PLEKHH2: variants seen among roughly 807,000 people sequenced by gnomAD.
PLEKHH2 encodes pleckstrin homology, MyTH4 and FERM domain containing H2, also known as pleckstrin homology domain-containing family H member 2.
In PLEKHH2, 129 loss-of-function variants were observed where a neutral mutation model predicts 187.9. The ratio of observed to expected loss-of-function variants is 0.69; its 90% CI spans 0.59 to 0.79. PLEKHH2 has a LOEUF of 0.79. Ranked by LOEUF, PLEKHH2 falls within the 30% of genes least tolerant of loss-of-function variation. PLEKHH2 has a pLI of 0.00. For missense variants in PLEKHH2, 2,076 were observed against 1,751.2 expected, an observed-to-expected ratio of 1.19 and a Z score of -3.31; for synonymous variants, 686 against 605.6, an observed-to-expected ratio of 1.13 and a Z score of -1.95.
At chr2:43,657,294 AG>A (rs1558429817) in intron 2 of PLEKHH2, among the ~76,000 whole-genome samples, 2 of 152,112 alleles carry the variant, frequency 1.3e-5, no homozygotes, top group Non-Finnish European at 2.9e-5. Flanking sequence ...TTGGGATTAC[AG>A]GTGCTTCCAA....
intron 15 of PLEKHH2, among the ~76,000 whole-genome samples, chr2:43,718,763 A>G (rs188005270): frequency 7.2e-5 from 11 of 152,312 alleles, no homozygotes; most frequent in South Asian, 4.1e-4. Flanking sequence ...GAAGAAGAAA[A>G]GAAAAAAACA....
Position 43,738,755 on chromosome 2 carries a change from A to G in PLEKHH2, c.3123+235A>G, listed in dbSNP as rs182045151. Among the ~76,000 whole-genome samples the G allele has an allele frequency of 3.4e-3, 523 of 152,332 alleles. 4 individuals carry two copies. The highest frequency in any genetic ancestry group is 0.014 in the Middle Eastern group (4 of 294). On this transcript the variant is annotated intron_variant, in intron 20 of 29. Coordinates refer to ENST00000282406, the MANE Select transcript of PLEKHH2 (RefSeq NM_172069.4). ...TTATATTGCTGGAGTTACAGTGTGCATACTACTTTTTTAAACTATAGAAAA... is the reference window on the plus strand; with the variant it reads ...TTATATTGCTGGAGTTACAGTGTGCGTACTACTTTTTTAAACTATAGAAAA...
intron 24 of PLEKHH2, among the ~76,000 whole-genome samples, chr2:43,746,533 TACAC>T (rs10535859): frequency 3.3e-5 from 5 of 150,376 alleles, no homozygotes; most frequent in South Asian, 2.1e-4. Flanking sequence ...AAACAAAAAA[TACAC>T]ACACACACAC....
chr2:43,733,628 G>GA (rs771534047), intron 19 of PLEKHH2, among the ~76,000 whole-genome samples: 3 of 152,088 alleles, frequency 2.0e-5, no homozygotes, highest in Non-Finnish European at 4.4e-5. Context: ...GATGGCTATA[G>GA]AAAAAATCTT....
chr2:43,676,404 G>T, intron 2 of PLEKHH2: 1 of 1,178,074 alleles, frequency 8.5e-7, no homozygotes, highest in Non-Finnish European at 1.2e-6. Context: ...CGGAGCTGGC[G>T]GCTGCGCTCC....
At chr2:43,670,000 T>TA (rs1667418852) in intron 2 of PLEKHH2, among the ~76,000 whole-genome samples, 1 of 152,238 alleles carries the variant, frequency 6.6e-6, no homozygotes, top group African/African-American at 2.4e-5. Context: ...TACAGAACCT[T>TA]AAAAAAGCAA....
At chr2:43,697,448 A>T in intron 7 of PLEKHH2, 92 bp downstream of exon 7, 1 of 1,057,098 alleles carries the variant, frequency 9.5e-7, no homozygotes, top group Non-Finnish European at 1.3e-6. Flanking sequence ...AATTTTCCTT[A>T]TTTTTTTCTG....
At chr2:43,674,844 G>A (rs555672186) in intron 2 of PLEKHH2, among the ~76,000 whole-genome samples, 1 of 152,246 alleles carries the variant, frequency 6.6e-6, no homozygotes, top group African/African-American at 2.4e-5. Flanking sequence ...AATTAGCTGG[G>A]CATGGTGGTG....
At chr2:43,719,370 T>A (rs192325272) in intron 15 of PLEKHH2, among the ~76,000 whole-genome samples, 25 of 152,360 alleles carry the variant, frequency 1.6e-4, no homozygotes, top group Admixed American at 1.3e-3. Flanking sequence ...TAAGAAGGCA[T>A]CAAATGTTTT....
chr2:43,659,150 T>A lies in PLEKHH2; in HGVS notation c.123+14354T>A, dbSNP rs1041442004. Among the ~76,000 whole-genome samples the A allele has an allele frequency of 1.7e-4, 25 of 151,344 alleles. No homozygotes were observed. The South Asian group carries it at 3.5e-3, about 21-fold the overall frequency. ...ACCATGCCTGGCTAATTTTTGTATA[T>A]ATATATTTTTTTCTTTTTTTTGGTA... On this transcript the variant is annotated intron_variant, in intron 2 of 29. Coordinates refer to ENST00000282406, the MANE Select transcript of PLEKHH2 (RefSeq NM_172069.4).
At chr2:43,659,154 T>C (rs1358261161) in intron 2 of PLEKHH2, among the ~76,000 whole-genome samples, 2 of 150,894 alleles carry the variant, frequency 1.3e-5, no homozygotes, top group Non-Finnish European at 2.9e-5. Context: ...TGTATATATA[T>C]ATTTTTTTCT....
At position 43,707,483 on chromosome 2, in the gene PLEKHH2, G is replaced by C. The variant is rs199622285; in HGVS notation, c.1904G>C (p.Arg635Pro). 10 of 1,613,974 alleles carry C rather than the reference G, an allele frequency of 6.2e-6. No individual in the cohort carries two copies. Among genetic ancestry groups the C allele is most frequent in the Non-Finnish European group, 7.6e-6 (9 of 1,180,016 alleles). The stretch of plus-strand genomic sequence containing the variant: ...GAAGACAGCTCCAGATCCAGCTCCC[G>C]GACGTCAGAGTCAGACTCACGCAGT... ...EEEDSSRSSS[R>P]TSESDSRSRS... The change falls in exon 11 of 30, where the codon CGG becomes CCG. Residue 635 changes from arginine to proline, a missense_variant. Arg to Pro is a moderately radical substitution (Grantham distance 103). Coordinates refer to ENST00000282406, the MANE Select transcript of PLEKHH2 (RefSeq NM_172069.4).
rs184087357 is a variant in PLEKHH2, at chr2:43,687,373, A to G, written c.187-5141A>G. ...GTGTTCCCTGGTGTGTATGTACCAC[A>G]TTTTCTTTATCTAACTCACCATTGA... is the stretch of plus-strand genomic sequence containing the variant. On this transcript the variant is annotated intron_variant, in intron 3 of 29. Transcript: ENST00000282406. Among the ~76,000 whole-genome samples the G allele has an allele frequency of 2.1e-3, 325 of 152,208 alleles. 1 individual carries two copies. Among genetic ancestry groups the G allele is most frequent in the African/African-American group, 7.4e-3 (308 of 41,530 alleles).
intron 8 of PLEKHH2, 76 bp from the exon 9 acceptor site, chr2:43,703,905 T>C: frequency 1.1e-6 from 1 of 921,586 alleles, no homozygotes. Context: ...AACATGTGTA[T>C]TGAAAGTAGT....
intron 1 of PLEKHH2, among the ~76,000 whole-genome samples, chr2:43,640,456 A>G (rs1040550674): frequency 1.3e-5 from 2 of 152,094 alleles, no homozygotes; most frequent in Admixed American, 1.3e-4. Context: ...AGCCTCTCAA[A>G]CTGTTGGGAT....
intron 1 of PLEKHH2, among the ~76,000 whole-genome samples, chr2:43,642,875 G>T (rs549375805): frequency 6.6e-6 from 1 of 152,226 alleles, no homozygotes; most frequent in East Asian, 1.9e-4. Flanking sequence ...AAATTAACCA[G>T]TATTAACCTA....
chr2:43,672,426 G>T (rs1278028522), intron 2 of PLEKHH2, among the ~76,000 whole-genome samples: 2 of 151,626 alleles, frequency 1.3e-5, no homozygotes, highest in African/African-American at 4.8e-5. Context: ...TTGGCTTTAG[G>T]TTTAATTTGC....
chr2:43,658,484 G>A (rs1488280409), intron 2 of PLEKHH2, among the ~76,000 whole-genome samples: 1 of 152,232 alleles, frequency 6.6e-6, no homozygotes, highest in Admixed American at 6.5e-5. Flanking sequence ...AAATTTGGAA[G>A]CAACTTAGCT....
At chr2:43,760,321 G>T (rs1021988323) in intron 27 of PLEKHH2, among the ~76,000 whole-genome samples, 1 of 146,610 alleles carries the variant, frequency 6.8e-6, no homozygotes, top group East Asian at 2.0e-4. Flanking sequence ...TGTTTTCTGT[G>T]TGTGGTAAAA....
Sources: allele counts gnomAD v4.1 joint callset (sites outside exome capture counted in the v4.1 genomes callset), GRCh38; gene constraint gnomAD v4.1.1; transcripts MANE v1.5; gene names NCBI Gene and HGNC (gene_info 2026-07-23, HGNC 2026-07-21).